The following PLSCR5 variants were observed in gnomAD, a reference collection of about 807,000 sequenced individuals.
PLSCR5 encodes phospholipid scramblase family, member 5.
PLSCR5 carries 44 observed loss-of-function variants against 33.6 expected under a neutral mutation model. The ratio of observed to expected loss-of-function variants is 1.31; its 90% CI spans 1.03 to 1.69. PLSCR5 has a LOEUF of 1.69. Among genes scored for constraint, PLSCR5 ranks in the 40% most tolerant of loss-of-function variants. PLSCR5 has a pLI of 0.00. For synonymous variants in PLSCR5, 148 were observed against 112.3 expected (o/e 1.32, Z -2.01); for missense variants, 375 against 318.7 (o/e 1.18, Z -1.34).
chr3:146,600,248 A>G, intron 2 of PLSCR5, 40 bp downstream of exon 2: 1 of 1,268,100 alleles, frequency 7.9e-7, no homozygotes, highest in Non-Finnish European at 1.0e-6. Flanking sequence ...ATTAATTTTA[A>G]GGGTAGAACA....
intron 2 of PLSCR5, among the ~76,000 whole-genome samples, chr3:146,596,002 A>G (rs1205021618): frequency 6.6e-6 from 1 of 152,222 alleles, no homozygotes; most frequent in Non-Finnish European, 1.5e-5. Context: ...TTTAAGTCAA[A>G]TAAATGTTAT....
chr3:146,589,524 A>C (rs1458101987), intron 6 of PLSCR5, 129 bp downstream of exon 6: 2 of 928,744 alleles, frequency 2.2e-6, no homozygotes, highest in Non-Finnish European at 2.9e-6. Context: ...CATTGGTCCT[A>C]AGCTATCCTT....
At chr3:146,590,130 T>C (rs1044104660) in intron 5 of PLSCR5, 3 of 177,898 alleles carry the variant, frequency 1.7e-5, no homozygotes, top group Admixed American at 6.2e-5. Flanking sequence ...CATAGTTCAA[T>C]TGTATCATCT....
At chr3:146,580,723 A>C (rs754124871) in intron 7 of PLSCR5, among the ~76,000 whole-genome samples, 3 of 152,060 alleles carry the variant, frequency 2.0e-5, no homozygotes, top group Non-Finnish European at 4.4e-5. Context: ...TTGGCCTCTC[A>C]AAGTGCTGGG....
chr3:146,595,993 T>G (rs939421988), intron 2 of PLSCR5, among the ~76,000 whole-genome samples: 1 of 152,172 alleles, frequency 6.6e-6, no homozygotes, highest in Non-Finnish European at 1.5e-5. Context: ...AAATACCAAT[T>G]TAAGTCAAAT....
intron 2 of PLSCR5, among the ~76,000 whole-genome samples, chr3:146,599,620 A>C (rs1462010869): frequency 6.6e-6 from 1 of 151,642 alleles, no homozygotes; most frequent in Non-Finnish European, 1.5e-5. Context: ...CACTCGACAA[A>C]TATTCTTTAA....
At chr3:146,590,079 T>G in intron 5 of PLSCR5, 1 of 238,926 alleles carries the variant, frequency 4.2e-6, no homozygotes, top group Non-Finnish European at 8.0e-6. Context: ...AATATCAGGA[T>G]AAATAATTAA....
chr3:146,600,576 A>T (rs1308188509), intron 1 of PLSCR5, 113 bp from the exon 2 acceptor site: 1 of 1,040,070 alleles, frequency 9.6e-7, no homozygotes, highest in African/African-American at 1.7e-5. Context: ...CCTGCCTCTC[A>T]TTTTAATGCC....
intron 1 of PLSCR5, among the ~76,000 whole-genome samples, chr3:146,601,885 GCATT>G (rs1320952894): frequency 6.6e-5 from 10 of 151,990 alleles, no homozygotes; most frequent in African/African-American, 2.2e-4. Flanking sequence ...AGCATATTCT[GCATT>G]CATTCATTCA....
At chr3:146,593,832 A>C in intron 4 of PLSCR5, 88 bp downstream of exon 4, 1 of 1,220,150 alleles carries the variant, frequency 8.2e-7, no homozygotes, top group Non-Finnish European at 1.2e-6. Context: ...TGGCAGGTTA[A>C]TTGCCTCATT....
intron 2 of PLSCR5, among the ~76,000 whole-genome samples, chr3:146,598,124 G>A (rs2044777809): frequency 6.6e-6 from 1 of 151,978 alleles, no homozygotes; most frequent in Non-Finnish European, 1.5e-5. Flanking sequence ...AATAGTAATT[G>A]GATGGACTTG....
chr3:146,589,873 T>C (rs1273093996), intron 5 of PLSCR5, 59 bp from the exon 6 acceptor site: 1 of 1,140,440 alleles, frequency 8.8e-7, no homozygotes, highest in East Asian at 2.5e-5. Flanking sequence ...GTTTTATACT[T>C]CTGAGGGTGT....
chr3:146,583,458 G>A (rs114935122), downstream of PLSCR5, among the ~76,000 whole-genome samples: 1,973 of 152,204 alleles, frequency 0.013, 23 homozygotes, highest in Non-Finnish European at 0.018. Context: ...AGTGCACTAG[G>A]AAACACTGTT....
chr3:146,589,931 A>G lies in PLSCR5; in HGVS notation c.616-117T>C, dbSNP rs539871788. 39 of 640,338 alleles carry G rather than the reference A, an allele frequency of 6.1e-5. No homozygotes were observed. In the Admixed American group the frequency reaches 1.3e-3, roughly 21 times the overall value. 39.7% of individuals were successfully genotyped at this position (640,338 alleles called of 1,614,324 possible). A position where few individuals can be genotyped will look rare whatever the true frequency, so the allele number is the denominator to read the frequency against. On this transcript the variant is annotated intron_variant, in intron 5 of 7. Coordinates refer to ENST00000443512, the MANE Select transcript of PLSCR5 (RefSeq NM_001085420.2). ...TATTTTATTTGTCATCTTCAAAATGACAATTCCATGTTATTCATTCCATCA... is the reference window on the plus strand; with the variant it reads ...TATTTTATTTGTCATCTTCAAAATGGCAATTCCATGTTATTCATTCCATCA...
At chr3:146,587,047 A>G (rs1028442812) in intron 6 of PLSCR5, among the ~76,000 whole-genome samples, 4 of 152,194 alleles carry the variant, frequency 2.6e-5, no homozygotes, top group Non-Finnish European at 4.4e-5. Flanking sequence ...CTGGAGTTTA[A>G]AAGTTATCCT....
At chr3:146,602,408 T>C (rs1362030354) in intron 1 of PLSCR5, among the ~76,000 whole-genome samples, 1 of 152,122 alleles carries the variant, frequency 6.6e-6, no homozygotes, top group Non-Finnish European at 1.5e-5. Context: ...AATTATGATA[T>C]AGGGAAAACT....
At chr3:146,578,357 T>C (rs2044612193) in intron 7 of PLSCR5, among the ~76,000 whole-genome samples, 1 of 151,614 alleles carries the variant, frequency 6.6e-6, no homozygotes, top group Non-Finnish European at 1.5e-5. Flanking sequence ...GATAAAAGAG[T>C]TAAAGTTGTT....
rs181013059 is a variant in PLSCR5 at position 146,587,796 on chromosome 3, T to C, written c.778-1684A>G. On this transcript the variant is annotated intron_variant, in intron 6 of 7. Coordinates refer to ENST00000443512, the MANE Select transcript of PLSCR5 (RefSeq NM_001085420.2). ...CCATCTTCTACCAATAATAGGAGACTGGTAAGTTAAAATAATTCCTCTGAA... is the reference window on the plus strand; with the variant it reads ...CCATCTTCTACCAATAATAGGAGACCGGTAAGTTAAAATAATTCCTCTGAA... Among the ~76,000 whole-genome samples the C allele has an allele frequency of 5.1e-3, 776 of 152,126 alleles. 4 individuals are homozygous for C. Among genetic ancestry groups the C allele is most frequent in the African/African-American group, 0.018 (740 of 41,482 alleles).
chr3:146,587,059 T>G (rs1315910211), intron 6 of PLSCR5, among the ~76,000 whole-genome samples: 2 of 152,204 alleles, frequency 1.3e-5, no homozygotes, highest in Non-Finnish European at 2.9e-5. Context: ...AGTTATCCTT[T>G]TAGATGATTA....
Sources: allele counts gnomAD v4.1 joint callset (sites outside exome capture counted in the v4.1 genomes callset), GRCh38; gene constraint gnomAD v4.1.1; transcripts MANE v1.5; gene names NCBI Gene and HGNC (gene_info 2026-07-23, HGNC 2026-07-21).